Variants in CNTN5 observed in about 807,000 individuals in gnomAD.
CNTN5 encodes the protein contactin 5.
A neutral mutation model predicts 129.1 loss-of-function variants in CNTN5; 77 were observed. That is an observed-to-expected ratio of 0.60 (90% CI 0.50 to 0.72). CNTN5 has a LOEUF of 0.72. Among genes scored for constraint, CNTN5 ranks in the 30% least tolerant of loss-of-function variants. The probability of loss-of-function intolerance (pLI) is 0.00; values close to 1 mark genes in which losing one functional copy is unlikely to be tolerated. For synonymous variants in CNTN5, 509 were observed against 465.6 expected (o/e 1.09, Z -1.20); for missense variants, 1,478 against 1,328.8 (o/e 1.11, Z -1.75).
At chr11:99,904,952 G>T (rs1313920873) in intron 6 of CNTN5, among the ~76,000 whole-genome samples, 1 of 152,120 alleles carries the variant, frequency 6.6e-6, no homozygotes, top group East Asian at 1.9e-4. Context: ...TTTGCAAAGT[G>T]TCTGTGCATA....
At chr11:99,481,658 T>C (rs1471430184) in intron 2 of CNTN5, among the ~76,000 whole-genome samples, 3 of 152,174 alleles carry the variant, frequency 2.0e-5, no homozygotes, top group African/African-American at 2.4e-5. Flanking sequence ...GCCCTGCTTA[T>C]TGCTTCAAGC....
intron 13 of CNTN5, among the ~76,000 whole-genome samples, chr11:100,164,612 TA>T (rs1947566094): frequency 6.6e-6 from 1 of 151,806 alleles, no homozygotes; most frequent in African/African-American, 2.4e-5. Flanking sequence ...GTTTATACCA[TA>T]AATTATAACA....
At chr11:100,242,867 T>C (rs1419782200) in intron 16 of CNTN5, among the ~76,000 whole-genome samples, 1 of 152,138 alleles carries the variant, frequency 6.6e-6, no homozygotes, top group East Asian at 1.9e-4. Flanking sequence ...GGAGGAAACA[T>C]GGAAAGAACA....
chr11:99,098,799 T>G (rs1866591226), intron 1 of CNTN5, among the ~76,000 whole-genome samples: 1 of 152,080 alleles, frequency 6.6e-6, no homozygotes, highest in African/African-American at 2.4e-5. Context: ...TTTCAGAGAC[T>G]AAAAGGTTTC....
intron 1 of CNTN5, among the ~76,000 whole-genome samples, chr11:99,166,887 C>A (rs1860900846): frequency 6.6e-6 from 1 of 151,262 alleles, no homozygotes; most frequent in Non-Finnish European, 1.5e-5. Flanking sequence ...TTGAAAAAAT[C>A]CACACGAAAC....
intron 3 of CNTN5, among the ~76,000 whole-genome samples, chr11:99,739,038 C>T (rs1473362952): frequency 2.0e-5 from 3 of 152,076 alleles, no homozygotes; most frequent in East Asian, 3.9e-4. Context: ...ACATCTGAGT[C>T]TTCTGGGGCC....
chr11:99,905,551 T>C (rs1376256910), intron 6 of CNTN5, among the ~76,000 whole-genome samples: 2 of 152,180 alleles, frequency 1.3e-5, no homozygotes, highest in Non-Finnish European at 2.9e-5. Context: ...AGCCTTGTAG[T>C]ATAGTTTAAA....
chr11:99,930,826 T>G (rs1324174660), intron 7 of CNTN5, among the ~76,000 whole-genome samples: 1 of 89,390 alleles, frequency 1.1e-5, no homozygotes, highest in Non-Finnish European at 2.6e-5. Context: ...CACATTTTAG[T>G]ATTTTTACCA....
At chr11:99,794,307 G>A (rs1043650362) in intron 3 of CNTN5, among the ~76,000 whole-genome samples, 1 of 151,554 alleles carries the variant, frequency 6.6e-6, no homozygotes, top group East Asian at 2.0e-4. Flanking sequence ...TACTGTGAAA[G>A]TATGGGTGTC....
intron 3 of CNTN5, among the ~76,000 whole-genome samples, chr11:99,674,965 T>C (rs543709138): frequency 1.3e-5 from 2 of 151,830 alleles, no homozygotes; most frequent in African/African-American, 4.9e-5. Context: ...ATTATGATCC[T>C]TCTTGATTAT....
intron 9 of CNTN5, among the ~76,000 whole-genome samples, chr11:100,049,223 A>C (rs1942837240): frequency 6.6e-6 from 1 of 152,122 alleles, no homozygotes; most frequent in African/African-American, 2.4e-5. Context: ...TAAAGAAAAA[A>C]TATAATAATG....
intron 13 of CNTN5, among the ~76,000 whole-genome samples, chr11:100,151,321 T>C (rs926979745): frequency 3.9e-5 from 6 of 152,154 alleles, no homozygotes; most frequent in Non-Finnish European, 7.3e-5. Flanking sequence ...TTCCAGGCAT[T>C]GTCCTAGGTA....
At chr11:100,002,553 T>C (rs776816520) in intron 9 of CNTN5, among the ~76,000 whole-genome samples, 1 of 152,144 alleles carries the variant, frequency 6.6e-6, no homozygotes, top group Non-Finnish European at 1.5e-5. Flanking sequence ...ATCATGAGGA[T>C]AATAGTTACA....
intron 1 of CNTN5, among the ~76,000 whole-genome samples, chr11:99,156,684 T>C (rs1044061224): frequency 1.3e-5 from 2 of 152,034 alleles, no homozygotes; most frequent in Non-Finnish European, 2.9e-5. Flanking sequence ...AACTAGGCTT[T>C]TTCATCATCC....
chr11:99,268,020 A>G (rs1862989075), intron 1 of CNTN5, among the ~76,000 whole-genome samples: 1 of 150,996 alleles, frequency 6.6e-6, no homozygotes, highest in East Asian at 2.0e-4. Context: ...TGTCCACATG[A>G]CAGAGGTATT....
At chr11:99,133,706 G>T (rs1591252682) in intron 1 of CNTN5, among the ~76,000 whole-genome samples, 1 of 150,586 alleles carries the variant, frequency 6.6e-6, no homozygotes, top group Admixed American at 6.6e-5. Context: ...ACTACAATGA[G>T]ATATCATCTC....
At chr11:100,216,245 C>G (rs1379680042) in intron 15 of CNTN5, among the ~76,000 whole-genome samples, 1 of 152,070 alleles carries the variant, frequency 6.6e-6, no homozygotes, top group African/African-American at 2.4e-5. Context: ...AGTATTCTTC[C>G]ACACAGCCAG....
chr11:99,039,709 G>T (rs577967600), intron 1 of CNTN5, among the ~76,000 whole-genome samples: 45 of 152,250 alleles, frequency 3.0e-4, no homozygotes, highest in African/African-American at 1.1e-3. Context: ...ATGTGTGTGT[G>T]TACTTGCTCC....
At position 99,839,492 on chromosome 11, in the gene CNTN5, T is replaced by C. The variant is rs573110751; in HGVS notation, c.278-5360T>C. ...GAGGCAGAGGGAAGGAGGCAAGAGATTGAGAAACCGTCAGATTATAGTCAA... is the reference window on the plus strand; with the variant it reads ...GAGGCAGAGGGAAGGAGGCAAGAGACTGAGAAACCGTCAGATTATAGTCAA... On this transcript the variant is annotated intron_variant, in intron 4 of 24. Coordinates refer to ENST00000524871, the MANE Select transcript of CNTN5 (RefSeq NM_014361.4). 4.6e-5 allele frequency among the ~76,000 whole-genome samples: 7 copies of C among 152,108 alleles called. 1 individual carries two copies. The East Asian group carries it at 1.2e-3, about 25-fold the overall frequency.
Sources: gnomAD v4.1 joint callset for allele counts (sites outside exome capture counted in the v4.1 genomes callset) on GRCh38, gnomAD v4.1.1 for gene constraint, MANE v1.5 for transcripts, NCBI Gene and HGNC (gene_info 2026-07-23, HGNC 2026-07-21) for gene names.